CNTN3: variants seen among roughly 807,000 people sequenced by gnomAD.
CNTN3 encodes contactin-3.
In CNTN3, 60 loss-of-function variants were observed where a neutral mutation model predicts 119.1. The ratio of observed to expected loss-of-function variants is 0.50; its 90% CI spans 0.41 to 0.62. The LOEUF (loss-of-function observed/expected upper bound fraction) is 0.62. Among genes scored for constraint, CNTN3 ranks in the 20% least tolerant of loss-of-function variants. The pLI, the probability that CNTN3 is intolerant of heterozygous loss-of-function variation, is 0.00. For missense variants in CNTN3, 1,101 were observed against 1,242.4 expected (o/e 0.89, Z 1.71); for synonymous variants, 450 against 438.7 (o/e 1.03, Z -0.32).
rs182709833 is a variant in CNTN3 at position 74,605,126 on chromosome 3, G to C, written c.-81+9265C>G. On this transcript the variant is annotated intron_variant, in intron 1 of 22. Transcript: ENST00000263665. ...CATAGAAGTAGAGAATAGAATGGTGGTTACCAGGGGGGTGAGGAGGGAGGT... is the reference window on the plus strand; with the variant it reads ...CATAGAAGTAGAGAATAGAATGGTGCTTACCAGGGGGGTGAGGAGGGAGGT... Among the ~76,000 whole-genome samples the C allele has an allele frequency of 3.9e-5, 6 of 152,226 alleles. No individual in the cohort carries two copies. The East Asian group carries it at 1.2e-3, about 29-fold the overall frequency.
intron 5 of CNTN3, among the ~76,000 whole-genome samples, chr3:74,416,634 A>G (rs1000422782): frequency 2.6e-5 from 4 of 152,158 alleles, no homozygotes; most frequent in African/African-American, 7.2e-5. Context: ...TGGAAAATGT[A>G]TAAGTAAAAA....
At chr3:74,346,670 T>C (rs1266061041) in intron 11 of CNTN3, among the ~76,000 whole-genome samples, 1 of 152,044 alleles carries the variant, frequency 6.6e-6, no homozygotes, top group East Asian at 1.9e-4. Context: ...GAAATCATCA[T>C]TACCAATCTG....
chr3:74,517,802 A>C (rs1329453082), intron 2 of CNTN3, among the ~76,000 whole-genome samples: 1 of 151,716 alleles, frequency 6.6e-6, no homozygotes, highest in Admixed American at 6.6e-5. Flanking sequence ...CTTCATCCTT[A>C]AACCTTCTCC....
At chr3:74,318,988 A>G (rs1702909847) in intron 13 of CNTN3, among the ~76,000 whole-genome samples, 1 of 152,206 alleles carries the variant, frequency 6.6e-6, no homozygotes, top group Admixed American at 6.5e-5. Context: ...AAAGAAAACT[A>G]CAAACCACTG....
intron 5 of CNTN3, among the ~76,000 whole-genome samples, chr3:74,390,665 G>T (rs1269617665): frequency 6.6e-6 from 1 of 152,070 alleles, no homozygotes. Flanking sequence ...AGGCAAATCG[G>T]GTCAGCCCTA....
At chr3:74,612,136 T>C (rs1705093721) in intron 1 of CNTN3, among the ~76,000 whole-genome samples, 2 of 152,186 alleles carry the variant, frequency 1.3e-5, no homozygotes, top group African/African-American at 4.8e-5. Context: ...CACTTAAATT[T>C]TGCAGTAAAA....
intron 19 of CNTN3, among the ~76,000 whole-genome samples, chr3:74,289,567 A>G (rs575894768): frequency 6.6e-6 from 1 of 152,228 alleles, no homozygotes; most frequent in South Asian, 2.1e-4. Flanking sequence ...TTTCTTCAGT[A>G]CAATCTCATC....
At chr3:74,492,364 G>A (rs535915872) in intron 3 of CNTN3, among the ~76,000 whole-genome samples, 7 of 152,210 alleles carry the variant, frequency 4.6e-5, no homozygotes, top group Admixed American at 2.6e-4. Context: ...TTAAGGGAGC[G>A]TATCTTTGAT....
chr3:74,420,685 C>T (rs1280726508), intron 5 of CNTN3, among the ~76,000 whole-genome samples: 2 of 152,160 alleles, frequency 1.3e-5, no homozygotes, highest in African/African-American at 4.8e-5. Context: ...CTGCTGAGGA[C>T]TCTGTGACTT....
intron 14 of CNTN3, 123 bp from the exon 15 acceptor site, chr3:74,301,928 A>T (rs1702468020): frequency 9.4e-7 from 1 of 1,060,000 alleles, no homozygotes; most frequent in Admixed American, 2.4e-5. Flanking sequence ...TTTCAGAAGC[A>T]CTTAGGGAAA....
At position 74,264,235 on chromosome 3, in the gene CNTN3, C is replaced by T; in HGVS notation, c.*166G>A. ...GTTAATATTAAGGCATTTCAGATTC[C>T]CCTAAAAGGATTTACTGTTTTTTTA... is the stretch of plus-strand genomic sequence containing the variant. On this transcript the variant is annotated 3_prime_UTR_variant, in exon 23 of 23. Coordinates refer to ENST00000263665, the MANE Select transcript of CNTN3 (RefSeq NM_020872.3). 1 of 418,860 alleles carries T rather than the reference C, an allele frequency of 2.4e-6. No homozygotes were observed. Among genetic ancestry groups the T allele is most frequent in the Non-Finnish European group, 4.3e-6 (1 of 233,754 alleles). The allele number at this position is 418,860 out of a possible 1,614,324, so 25.9% of individuals were successfully genotyped here.
At chr3:74,587,528 G>A (rs2106679222) in intron 1 of CNTN3, among the ~76,000 whole-genome samples, 1 of 152,156 alleles carries the variant, frequency 6.6e-6, no homozygotes, top group South Asian at 2.1e-4. Context: ...ACTTATGGTG[G>A]ATATGCAGTA....
intron 5 of CNTN3, among the ~76,000 whole-genome samples, chr3:74,373,002 T>C (rs558262450): frequency 4.3e-4 from 65 of 152,324 alleles, no homozygotes; most frequent in Non-Finnish European, 7.6e-4. Context: ...AGCAAGCCAA[T>C]TGCAAATTAT....
intron 5 of CNTN3, among the ~76,000 whole-genome samples, chr3:74,373,699 A>G (rs1043130311): frequency 6.6e-6 from 1 of 152,210 alleles, no homozygotes; most frequent in South Asian, 2.1e-4. Context: ...AAATGTTTGC[A>G]TAACTCCCTT....
chr3:74,585,730 C>G (rs2106675938), intron 1 of CNTN3, among the ~76,000 whole-genome samples: 1 of 152,134 alleles, frequency 6.6e-6, no homozygotes, highest in East Asian at 1.9e-4. Context: ...TATTCATGAT[C>G]AAAAATACCA....
At chr3:74,291,667 C>T (rs1245445152) in intron 19 of CNTN3, among the ~76,000 whole-genome samples, 2 of 152,166 alleles carry the variant, frequency 1.3e-5, no homozygotes, top group African/African-American at 2.4e-5. Context: ...GTGTGAGCCA[C>T]CGCGCCCAGC....
intron 4 of CNTN3, among the ~76,000 whole-genome samples, chr3:74,456,491 A>G (rs1667204439): frequency 6.6e-6 from 1 of 152,048 alleles, no homozygotes; most frequent in African/African-American, 2.4e-5. Context: ...TGATGTGTTT[A>G]TTTTGGAGCA....
rs1349350848 is a variant in CNTN3 at position 74,524,988 on chromosome 3, G to C, written c.-80-3796C>G. On this transcript the variant is annotated intron_variant, in intron 1 of 22. Coordinates refer to ENST00000263665, the MANE Select transcript of CNTN3 (RefSeq NM_020872.3). ...ATGAAATGAGACTGCAGATGTATGG[G>C]GGTCAATCTTGTATGTCTGGCTAAG... Among the ~76,000 whole-genome samples the C allele has an allele frequency of 2.6e-5, 4 of 151,768 alleles. No individual in the cohort carries two copies. In the East Asian group the frequency reaches 7.8e-4, roughly 30 times the overall value.
intron 5 of CNTN3, among the ~76,000 whole-genome samples, chr3:74,380,744 A>G (rs1559572878): frequency 2.6e-5 from 4 of 152,190 alleles, no homozygotes; most frequent in Non-Finnish European, 4.4e-5. Context: ...GACAGGGAAA[A>G]TGTGCAATAA....
Sources: gnomAD v4.1 joint callset for allele counts (sites outside exome capture counted in the v4.1 genomes callset) on GRCh38, gnomAD v4.1.1 for gene constraint, MANE v1.5 for transcripts, NCBI Gene and HGNC (gene_info 2026-07-23, HGNC 2026-07-21) for gene names.